AGFG1: variants seen among roughly 807,000 people sequenced by gnomAD.
AGFG1 encodes arf-GAP domain and FG repeat-containing protein 1.
A neutral mutation model predicts 60.6 loss-of-function variants in AGFG1; 10 were observed. The ratio of observed to expected loss-of-function variants is 0.16; its 90% CI spans 0.10 to 0.28. The LOEUF (loss-of-function observed/expected upper bound fraction) is 0.28, where lower values mean the gene tolerates loss of function less well. AGFG1 is among the 10% of genes least tolerant of loss of function. AGFG1 has a pLI of 1.00. For synonymous variants in AGFG1, 247 were observed against 242.9 expected, an observed-to-expected ratio of 1.02 and a Z score of -0.16; for missense variants, 537 against 676.5, an observed-to-expected ratio of 0.79 and a Z score of 2.29.
chr2:227,517,676 A>G (rs187507028), intron 2 of AGFG1, among the ~76,000 whole-genome samples: 2 of 152,330 alleles, frequency 1.3e-5, no homozygotes, highest in African/African-American at 4.8e-5. Flanking sequence ...TTCAGTGAGC[A>G]GGTAAGATTG....
rs1575126766 is a variant in AGFG1 at position 227,560,344 on chromosome 2, A to T, written c.*5849A>T. ...TGGAAACTTTATTAATAAAGTAGAC[A>T]TTATTCTATTTTGAGGCTCACCAGC... On this transcript the variant is annotated 3_prime_UTR_variant, in exon 13 of 13. Transcript: ENST00000310078. 6.6e-6 allele frequency: 1 copy of T among 152,124 alleles called. No homozygotes were observed. The highest frequency in any genetic ancestry group is 1.9e-4 in the East Asian group (1 of 5,200). The allele number at this position is 152,124 out of a possible 1,614,324, so 9.4% of individuals were successfully genotyped here.
At position 227,544,941 on chromosome 2, in the gene AGFG1, G is replaced by A. The variant is rs149985795; in HGVS notation, c.1379-7018G>A. On this transcript the variant is annotated intron_variant, in intron 10 of 12. Coordinates refer to ENST00000310078, the MANE Select transcript of AGFG1 (RefSeq NM_004504.5). ...GAATCTGACAATTATGTATCTTGGC[G>A]TTGCTGTTCTCAGGGATTATCTTTG... is the stretch of plus-strand genomic sequence containing the variant. Among the ~76,000 whole-genome samples the A allele has an allele frequency of 4.2e-4, 64 of 152,170 alleles. 1 individual carries two copies. In the East Asian group the frequency reaches 6.8e-3, roughly 16 times the overall value.
chr2:227,532,531 A>G (rs1180710572), intron 6 of AGFG1, among the ~76,000 whole-genome samples: 1 of 152,178 alleles, frequency 6.6e-6, no homozygotes, highest in Non-Finnish European at 1.5e-5. Flanking sequence ...TGAAACCACC[A>G]TGATTTAACT....
At chr2:227,478,057 A>G (rs1690337787) in intron 1 of AGFG1, among the ~76,000 whole-genome samples, 1 of 151,998 alleles carries the variant, frequency 6.6e-6, no homozygotes. Flanking sequence ...TTCTGAAATC[A>G]ATGGGAATGA....
At chr2:227,535,130 T>G in intron 8 of AGFG1, 105 bp downstream of exon 8, 1 of 1,216,008 alleles carries the variant, frequency 8.2e-7, no homozygotes, top group Non-Finnish European at 1.1e-6. Flanking sequence ...TTTAAAATTC[T>G]TGGATATTTT....
Position 227,555,733 on chromosome 2 carries a change from G to A in AGFG1, c.*1238G>A, listed in dbSNP as rs1194762048. The A allele has an allele frequency of 6.6e-6, 1 of 152,400 alleles. No individual in the cohort carries two copies. The highest frequency in any genetic ancestry group is 1.9e-4 in the East Asian group (1 of 5,202). The allele number at this position is 152,400 out of a possible 1,614,324, so 9.4% of individuals were successfully genotyped here. A position where few individuals can be genotyped will look rare whatever the true frequency, so the allele number is the denominator to read the frequency against. On this transcript the variant is annotated 3_prime_UTR_variant, in exon 13 of 13. Coordinates refer to ENST00000310078, the MANE Select transcript of AGFG1 (RefSeq NM_004504.5). ...CAAATGAACTTGTTTAAGTATCTATGTACAGTAATGCCTCATTCATCTAGA... is the reference window on the plus strand; with the variant it reads ...CAAATGAACTTGTTTAAGTATCTATATACAGTAATGCCTCATTCATCTAGA...
intron 2 of AGFG1, among the ~76,000 whole-genome samples, chr2:227,495,868 T>A (rs1202467962): frequency 6.6e-6 from 1 of 151,888 alleles, no homozygotes; most frequent in East Asian, 1.9e-4. Flanking sequence ...TTTGGGAGGC[T>A]GAGGCGAATG....
intron 10 of AGFG1, among the ~76,000 whole-genome samples, chr2:227,542,407 T>G (rs1397471177): frequency 3.3e-5 from 5 of 152,230 alleles, no homozygotes; most frequent in African/African-American, 1.2e-4. Context: ...TTTCTGCATC[T>G]ATTGAGATAC....
intron 1 of AGFG1, among the ~76,000 whole-genome samples, chr2:227,477,194 C>T (rs907722549): frequency 3.3e-5 from 5 of 152,138 alleles, no homozygotes; most frequent in Non-Finnish European, 5.9e-5. Flanking sequence ...AGCCACCTCG[C>T]CTGGCCTAGA....
chr2:227,558,816 T>C lies in AGFG1; in HGVS notation c.*4321T>C, dbSNP rs1206149927. On this transcript the variant is annotated 3_prime_UTR_variant, in exon 13 of 13. Transcript: ENST00000310078. ...TCTTCATGGTGATTTTACCTGCCAATCTGATGTCATTAAATGCAGTTTGAT... is the reference window on the plus strand; with the variant it reads ...TCTTCATGGTGATTTTACCTGCCAACCTGATGTCATTAAATGCAGTTTGAT... The C allele has an allele frequency of 6.6e-6, 1 of 152,202 alleles. No individual in the cohort carries two copies. Among genetic ancestry groups the C allele is most frequent in the African/African-American group, 2.4e-5 (1 of 41,460 alleles). The allele number at this position is 152,202 out of a possible 1,614,324, so 9.4% of individuals were successfully genotyped here.
intron 11 of AGFG1, among the ~76,000 whole-genome samples, chr2:227,552,514 CTTTTCTA>C (rs1474007783): frequency 3.9e-5 from 6 of 151,984 alleles, no homozygotes; most frequent in African/African-American, 1.2e-4. Context: ...AAATAGACTA[CTTTTCTA>C]ATTTGGTAAC....
At chr2:227,550,124 A>G in intron 10 of AGFG1, 1 of 442,088 alleles carries the variant, frequency 2.3e-6, no homozygotes, top group Non-Finnish European at 4.6e-6. Context: ...GCCACAATTA[A>G]TATCTAGATT....
Position 227,533,633 on chromosome 2 carries a change from A to G in AGFG1, c.899A>G (p.Asn300Ser), listed in dbSNP as rs201858869. ...TCCAGTGCTGATTTTGGAACCTTCAATACTTCCCAGAGTCATCAAACAGCA... is the reference window on the plus strand; with the variant it reads ...TCCAGTGCTGATTTTGGAACCTTCAGTACTTCCCAGAGTCATCAAACAGCA... ...KSSSADFGTFNTSQSHQTASA... is the reference protein window; with the variant it reads ...KSSSADFGTFSTSQSHQTASA... The change falls in exon 7 of 13, where the codon AAT (asparagine) becomes AGT (serine). Residue 300 changes from asparagine (N) to serine (S), a missense_variant. Physicochemically the swap from Asn to Ser is conservative, Grantham distance 46 (BLOSUM62 1). Transcript: ENST00000310078. The G allele has an allele frequency of 6.9e-5, 112 of 1,613,876 alleles. 1 individual carries two copies. The highest frequency in any genetic ancestry group is 8.5e-5 in the Non-Finnish European group (100 of 1,179,822).
At chr2:227,484,808 A>G (rs1229564194) in intron 1 of AGFG1, among the ~76,000 whole-genome samples, 2 of 147,322 alleles carry the variant, frequency 1.4e-5, no homozygotes, top group African/African-American at 5.0e-5. Context: ...GGTTCAAGTG[A>G]TCTTCCTGCC....
At chr2:227,507,398 C>T (rs745995824) in intron 2 of AGFG1, among the ~76,000 whole-genome samples, 10 of 151,952 alleles carry the variant, frequency 6.6e-5, no homozygotes, top group African/African-American at 9.7e-5. Flanking sequence ...GTCAGGAGAT[C>T]GAGACCATCT....
At chr2:227,531,447 G>A (rs533255610) in intron 6 of AGFG1, among the ~76,000 whole-genome samples, 4 of 150,116 alleles carry the variant, frequency 2.7e-5, no homozygotes, top group East Asian at 3.9e-4. Context: ...CTTTTCCTGC[G>A]CATGAATCTT....
intron 2 of AGFG1, among the ~76,000 whole-genome samples, chr2:227,502,024 A>T (rs1691172945): frequency 6.6e-6 from 1 of 151,154 alleles, no homozygotes; most frequent in Non-Finnish European, 1.5e-5. Flanking sequence ...ATGCCTGGCT[A>T]ATACTGTTTA....
At chr2:227,502,132 A>G (rs142618211) in intron 2 of AGFG1, among the ~76,000 whole-genome samples, 2 of 152,302 alleles carry the variant, frequency 1.3e-5, no homozygotes, top group African/African-American at 4.8e-5. Flanking sequence ...TGCGAGGATT[A>G]CAGGCCTGAG....
At chr2:227,516,998 A>G (rs982239540) in intron 2 of AGFG1, among the ~76,000 whole-genome samples, 6 of 152,182 alleles carry the variant, frequency 3.9e-5, no homozygotes, top group Non-Finnish European at 8.8e-5. Flanking sequence ...TGGGAGAATC[A>G]TTAGTTAGGT....
Sources: allele counts gnomAD v4.1 joint callset (sites outside exome capture counted in the v4.1 genomes callset), GRCh38; gene constraint gnomAD v4.1.1; transcripts MANE v1.5; gene names NCBI Gene and HGNC (gene_info 2026-07-23, HGNC 2026-07-21).